Variants in PARD3B observed in about 807,000 individuals in gnomAD.
PARD3B encodes the protein par-3 family cell polarity regulator beta.
PARD3B carries 103 observed loss-of-function variants against 130.2 expected under a neutral mutation model. The ratio of observed to expected loss-of-function variants is 0.79; its 90% CI spans 0.67 to 0.93. PARD3B has a LOEUF of 0.93. PARD3B is among the 40% of genes least tolerant of loss of function. PARD3B has a pLI of 0.00. For missense variants in PARD3B, 1,609 were observed against 1,499.2 expected (o/e 1.07, Z -1.21); for synonymous variants, 583 against 553.2 (o/e 1.05, Z -0.76).
chr2:205,330,139 G>T (rs978046812), intron 18 of PARD3B, among the ~76,000 whole-genome samples: 3 of 151,794 alleles, frequency 2.0e-5, no homozygotes, highest in African/African-American at 7.3e-5. Context: ...TCAGGAGTTC[G>T]AGACCAGCCT....
At chr2:204,960,322 A>C (rs555710089) in intron 2 of PARD3B, among the ~76,000 whole-genome samples, 1 of 152,288 alleles carries the variant, frequency 6.6e-6, no homozygotes, top group Non-Finnish European at 1.5e-5. Context: ...TGCTTCATCC[A>C]GTGACCAAAT....
At chr2:204,998,358 A>ACACATATATATATATATATATATATG (rs1694463623) in intron 3 of PARD3B, among the ~76,000 whole-genome samples, 2 of 69,832 alleles carry the variant, frequency 2.9e-5, no homozygotes, top group East Asian at 6.1e-4. Context: ...ATATATATAT[A>ACACATATATATATATATATATATATG]TGTGTGTGTG....
chr2:204,813,031 T>C (rs1057454455), intron 2 of PARD3B, among the ~76,000 whole-genome samples: 2 of 152,224 alleles, frequency 1.3e-5, no homozygotes, highest in African/African-American at 4.8e-5. Context: ...ATTATTTGTG[T>C]ATAAATCTTT....
At chr2:204,899,092 T>G (rs1169957750) in intron 2 of PARD3B, among the ~76,000 whole-genome samples, 2 of 152,054 alleles carry the variant, frequency 1.3e-5, no homozygotes, top group African/African-American at 4.8e-5. Context: ...TTGGAGAATT[T>G]AGCCCATTTA....
intron 19 of PARD3B, among the ~76,000 whole-genome samples, chr2:205,423,998 G>A (rs2047060865): frequency 6.6e-6 from 1 of 152,092 alleles, no homozygotes; most frequent in African/African-American, 2.4e-5. Context: ...TTCATACCTG[G>A]ATGATGGAAT....
At chr2:204,582,000 A>T (rs1252502988) in intron 1 of PARD3B, among the ~76,000 whole-genome samples, 1 of 152,062 alleles carries the variant, frequency 6.6e-6, no homozygotes, top group Non-Finnish European at 1.5e-5. Flanking sequence ...AAATACTGTG[A>T]TGTGTATTAA....
intron 20 of PARD3B, among the ~76,000 whole-genome samples, chr2:205,444,274 T>C (rs908454268): frequency 1.3e-5 from 2 of 152,142 alleles, no homozygotes; most frequent in Non-Finnish European, 2.9e-5. Context: ...TGAGCCACCA[T>C]ACCCGGCCTC....
At chr2:205,596,546 C>T (rs774170359) in intron 22 of PARD3B, among the ~76,000 whole-genome samples, 4 of 152,144 alleles carry the variant, frequency 2.6e-5, no homozygotes, top group Non-Finnish European at 5.9e-5. Context: ...GAAAGTTACC[C>T]TTCACCCTTT....
intron 3 of PARD3B, among the ~76,000 whole-genome samples, chr2:205,031,535 C>A (rs1456417204): frequency 6.6e-6 from 1 of 152,164 alleles, no homozygotes; most frequent in Non-Finnish European, 1.5e-5. Flanking sequence ...CTCTTATCAG[C>A]ACCTTCAATT....
At chr2:205,213,440 G>A (rs1222618706) in intron 15 of PARD3B, among the ~76,000 whole-genome samples, 3 of 152,098 alleles carry the variant, frequency 2.0e-5, no homozygotes, top group African/African-American at 7.2e-5. Flanking sequence ...CACTTAGCAT[G>A]TGTAGGTGCC....
chr2:205,231,824 G>A (rs1309534853), intron 15 of PARD3B, among the ~76,000 whole-genome samples: 1 of 152,170 alleles, frequency 6.6e-6, no homozygotes, highest in African/African-American at 2.4e-5. Context: ...TGAACTCCAC[G>A]TATAGTTGGA....
At chr2:204,882,028 G>A (rs767420235) in intron 2 of PARD3B, among the ~76,000 whole-genome samples, 1 of 152,096 alleles carries the variant, frequency 6.6e-6, no homozygotes, top group Non-Finnish European at 1.5e-5. Flanking sequence ...CAGCACAGTC[G>A]CCTTCTTACA....
intron 16 of PARD3B, among the ~76,000 whole-genome samples, chr2:205,295,351 C>T (rs1415357685): frequency 6.6e-6 from 1 of 152,144 alleles, no homozygotes; most frequent in Non-Finnish European, 1.5e-5. Flanking sequence ...CTCAGCCTTC[C>T]CAGGTCTCAT....
rs1360758503 is a variant in PARD3B, at chr2:205,378,715, T to TC, written c.2631-22296dup. ...GGCACGATCTCAGCTCACTGCAACC[T>TC]CCGCCTCCCAGGTTCAAGTGATTCT... is the stretch of plus-strand genomic sequence containing the variant. On this transcript the variant is annotated intron_variant, in intron 18 of 22. Transcript: ENST00000406610. 4.7e-5 allele frequency among the ~76,000 whole-genome samples: 7 copies of TC among 149,356 alleles called. No individual in the cohort carries two copies. In the Admixed American group the frequency reaches 4.7e-4, roughly 10 times the overall value.
At chr2:205,033,750 T>C (rs912689730) in intron 3 of PARD3B, among the ~76,000 whole-genome samples, 1 of 152,328 alleles carries the variant, frequency 6.6e-6, no homozygotes, top group South Asian at 2.1e-4. Context: ...TATTATCCCT[T>C]TAGCTATTCC....
At chr2:204,648,760 G>T (rs13020379) in intron 1 of PARD3B, among the ~76,000 whole-genome samples, 14,103 of 27,424 alleles carry the variant, frequency 0.51, 1,471 homozygotes, top group African/African-American at 0.55. Context: ...ATTTATAATA[G>T]ATATCATATA....
At chr2:205,180,863 G>A (rs2035749512) in intron 13 of PARD3B, among the ~76,000 whole-genome samples, 1 of 152,158 alleles carries the variant, frequency 6.6e-6, no homozygotes, top group Admixed American at 6.5e-5. Context: ...TAATAGGGAT[G>A]GAGGCTGTGT....
chr2:205,067,480 A>G (rs1320409799), intron 4 of PARD3B, among the ~76,000 whole-genome samples: 1 of 152,030 alleles, frequency 6.6e-6, no homozygotes, highest in African/African-American at 2.4e-5. Flanking sequence ...TGTTTCTTTA[A>G]TTTTAATTTG....
rs752251038 is a variant in PARD3B at position 205,172,379 on chromosome 2, G to C, written c.1789G>C (p.Glu597Gln). 6.2e-7 allele frequency: 1 copy of C among 1,612,328 alleles called. No individual in the cohort carries two copies. The highest frequency in any genetic ancestry group is 1.1e-5 in the South Asian group (1 of 90,736). ...TCTGAGGAGGCCAGAGAGACCAATG[G>C]AGGTGATGCAAATCTTGATTCTCCT... is the stretch of plus-strand genomic sequence containing the variant. ...VILRRPERPM[E>Q]DPAECGAFSK... is the part of the protein sequence containing the mutation. Residue 597 changes from glutamate to glutamine, a missense_variant and splice_region_variant, in exon 12 of 23, where the codon GAG (glutamate) becomes CAG (glutamine). Physicochemically the swap from Glu to Gln is conservative, Grantham distance 29. Transcript: ENST00000406610.
Sources: gnomAD v4.1 joint callset for allele counts (sites outside exome capture counted in the v4.1 genomes callset) on GRCh38, gnomAD v4.1.1 for gene constraint, MANE v1.5 for transcripts, NCBI Gene and HGNC (gene_info 2026-07-23, HGNC 2026-07-21) for gene names.